CADM2: variants seen among roughly 807,000 people sequenced by gnomAD.
CADM2 encodes the protein immunoglobulin superfamily member 4D.
In CADM2, 12 loss-of-function variants were observed where a neutral mutation model predicts 49.8. The ratio of observed to expected loss-of-function variants is 0.24; its 90% confidence interval spans 0.15 to 0.39. CADM2 has a LOEUF of 0.39. Ranked by LOEUF, CADM2 falls within the 10% of genes least tolerant of loss-of-function variation. CADM2 has a pLI of 1.00. For missense variants in CADM2, 378 were observed against 492.3 expected (o/e 0.77, Z 2.20); for synonymous variants, 214 against 175.4 (o/e 1.22, Z -1.74).
chr3:85,348,765 A>T (rs2107228261), intron 1 of CADM2, among the ~76,000 whole-genome samples: 1 of 152,316 alleles, frequency 6.6e-6, no homozygotes, highest in African/African-American at 2.4e-5. Context: ...TGAAAAATTA[A>T]TACAATCTTA....
At chr3:85,532,660 T>A (rs2061341283) in intron 1 of CADM2, among the ~76,000 whole-genome samples, 1 of 152,180 alleles carries the variant, frequency 6.6e-6, no homozygotes, top group African/African-American at 2.4e-5. Flanking sequence ...CATTACCTGG[T>A]ATGTACCCAA....
chr3:85,914,080 A>C (rs968413178), intron 6 of CADM2, among the ~76,000 whole-genome samples: 2 of 152,258 alleles, frequency 1.3e-5, no homozygotes, highest in African/African-American at 4.8e-5. Context: ...TAATATGCTT[A>C]TTTTTAAATT....
intron 1 of CADM2, among the ~76,000 whole-genome samples, chr3:85,695,064 G>A (rs1307871938): frequency 6.6e-6 from 1 of 151,994 alleles, no homozygotes; most frequent in African/African-American, 2.4e-5. Flanking sequence ...GTTTTTCATT[G>A]TTTTATTCCC....
At chr3:85,985,518 G>C (rs1238446735) in intron 8 of CADM2, among the ~76,000 whole-genome samples, 2 of 151,702 alleles carry the variant, frequency 1.3e-5, no homozygotes, top group African/African-American at 4.9e-5. Context: ...TACTTAAAAT[G>C]ATTCTCGAAG....
intron 1 of CADM2, among the ~76,000 whole-genome samples, chr3:85,466,275 T>C (rs1458281238): frequency 6.6e-6 from 1 of 152,176 alleles, no homozygotes; most frequent in Non-Finnish European, 1.5e-5. Flanking sequence ...CAGACTAAAT[T>C]TATCTTCCCC....
intron 8 of CADM2, among the ~76,000 whole-genome samples, chr3:85,965,900 A>G (rs773295015): frequency 1.6e-4 from 25 of 151,728 alleles, no homozygotes; most frequent in Non-Finnish European, 3.7e-4. Context: ...TTGATTAAAA[A>G]TACACTCATA....
intron 7 of CADM2, among the ~76,000 whole-genome samples, chr3:85,956,007 A>T (rs1724010257): frequency 6.6e-6 from 1 of 151,748 alleles, no homozygotes; most frequent in African/African-American, 2.4e-5. Context: ...TATAGAATTG[A>T]TAGAAACAAA....
At chr3:85,193,138 T>G (rs1385100990) in intron 1 of CADM2, among the ~76,000 whole-genome samples, 1 of 152,064 alleles carries the variant, frequency 6.6e-6, no homozygotes. Context: ...GACAGAAAAG[T>G]ATTAAAATAT....
intron 1 of CADM2, among the ~76,000 whole-genome samples, chr3:85,325,791 C>T (rs1471794753): frequency 1.3e-5 from 2 of 151,628 alleles, no homozygotes; most frequent in African/African-American, 4.8e-5. Flanking sequence ...TCTATTTCTG[C>T]TATTCCTTTC....
intron 1 of CADM2, among the ~76,000 whole-genome samples, chr3:85,142,904 A>G (rs1243805392): frequency 1.3e-5 from 2 of 152,210 alleles, no homozygotes; most frequent in East Asian, 3.9e-4. Context: ...GTGTAAAGGC[A>G]AAGATTGTAT....
chr3:85,391,565 A>G (rs1364519210), intron 1 of CADM2, among the ~76,000 whole-genome samples: 1 of 152,084 alleles, frequency 6.6e-6, no homozygotes, highest in African/African-American at 2.4e-5. Context: ...AACAATAGCA[A>G]CAATAGTCAA....
chr3:85,935,446 A>G (rs1212812892), intron 6 of CADM2, among the ~76,000 whole-genome samples: 4 of 152,082 alleles, frequency 2.6e-5, no homozygotes, highest in African/African-American at 7.2e-5. Context: ...CCATCTATAA[A>G]TAGTTTAAGA....
At chr3:85,219,922 A>T (rs1414093398) in intron 1 of CADM2, among the ~76,000 whole-genome samples, 1 of 152,138 alleles carries the variant, frequency 6.6e-6, no homozygotes, top group African/African-American at 2.4e-5. Flanking sequence ...AATTTATTTT[A>T]AGCTTCATGG....
chr3:85,368,243 A>ATCCTTCACAGAC (rs772784460), intron 1 of CADM2, among the ~76,000 whole-genome samples: 6 of 152,092 alleles, frequency 3.9e-5, no homozygotes, highest in Non-Finnish European at 5.9e-5. Flanking sequence ...GAGACATTGT[A>ATCCTTCACAGAC]TCCTTCACAG....
At chr3:85,168,321 C>G (rs996858624) in intron 1 of CADM2, among the ~76,000 whole-genome samples, 2 of 152,148 alleles carry the variant, frequency 1.3e-5, no homozygotes, top group African/African-American at 4.8e-5. Flanking sequence ...TCCCAAAGTG[C>G]TGTGATTACA....
At chr3:85,129,145 G>A (rs560138785) in intron 1 of CADM2, among the ~76,000 whole-genome samples, 1 of 152,072 alleles carries the variant, frequency 6.6e-6, no homozygotes, top group Non-Finnish European at 1.5e-5. Flanking sequence ...TCAATGCTTA[G>A]GCCCAAGGAA....
rs1223302224 is a variant in CADM2 at position 85,487,550 on chromosome 3, GAGGAGGAGGAGGAAT to G, written c.62-238957_62-238943del. Among the ~76,000 whole-genome samples, 1,114 of 150,316 alleles carry G rather than the reference GAGGAGGAGGAGGAAT, an allele frequency of 7.4e-3. 13 individuals are homozygous for G. The highest frequency in any genetic ancestry group is 0.025 in the African/African-American group (1,005 of 40,924). The stretch of plus-strand genomic sequence containing the variant: ...GGAGGAAGTGGAGGAGGAGGACGAG[GAGGAGGAGGAGGAAT>G]AGGAGGAGGAGGAAGTGGAGGAGGA... On this transcript the variant is annotated intron_variant, in intron 1 of 9. Transcript: ENST00000383699.
At chr3:85,902,529 T>C (rs564355270) in intron 5 of CADM2, among the ~76,000 whole-genome samples, 82 of 151,952 alleles carry the variant, frequency 5.4e-4, no homozygotes, top group African/African-American at 1.9e-3. Flanking sequence ...ATAATTGATA[T>C]TGGTTAATTT....
chr3:85,305,514 G>A (rs1697800142), intron 1 of CADM2, among the ~76,000 whole-genome samples: 1 of 151,568 alleles, frequency 6.6e-6, no homozygotes, highest in African/African-American at 2.4e-5. Flanking sequence ...AATCCTGAAG[G>A]ATTCCACAAC....
Sources: allele counts gnomAD v4.1 joint callset (sites outside exome capture counted in the v4.1 genomes callset), GRCh38; gene constraint gnomAD v4.1.1; transcripts MANE v1.5; gene names NCBI Gene and HGNC (gene_info 2026-07-23, HGNC 2026-07-21).